The following UBXN7 variants were observed in gnomAD, a reference collection of about 807,000 sequenced individuals.
UBXN7 encodes UBX domain protein 7, also known as UBX domain-containing protein 7.
In UBXN7, 9 loss-of-function variants were observed where a neutral mutation model predicts 58.0. That is an observed-to-expected ratio of 0.16 (90% CI 0.09 to 0.27). The LOEUF (loss-of-function observed/expected upper bound fraction) is 0.27. Among genes scored for constraint, UBXN7 ranks in the 10% least tolerant of loss-of-function variants. The pLI is 1.00. For missense variants in UBXN7, 328 were observed against 599.6 expected, an observed-to-expected ratio of 0.55 and a Z score of 4.73; for synonymous variants, 208 against 205.0, an observed-to-expected ratio of 1.01 and a Z score of -0.12.
At chr3:196,415,184 C>T (rs557897671) in intron 1 of UBXN7, among the ~76,000 whole-genome samples, 11 of 141,238 alleles carry the variant, frequency 7.8e-5, no homozygotes, top group Non-Finnish European at 1.2e-4. Context: ...GACAGAGTCT[C>T]GTTCTGTTGC....
chr3:196,432,239 G>T, intron 1 of UBXN7, 88 bp downstream of exon 1: 2 of 1,543,016 alleles, frequency 1.3e-6, no homozygotes, highest in African/African-American at 1.4e-5. Flanking sequence ...CCCGAAGGAG[G>T]AATGCCTGAA....
chr3:196,384,089 T>G (rs1729298399), intron 5 of UBXN7, among the ~76,000 whole-genome samples: 1 of 152,074 alleles, frequency 6.6e-6, no homozygotes, highest in Non-Finnish European at 1.5e-5. Flanking sequence ...AAGAATCAAA[T>G]AGACGCAATA....
chr3:196,394,932 A>G (rs1729723971), intron 3 of UBXN7, among the ~76,000 whole-genome samples: 1 of 152,216 alleles, frequency 6.6e-6, no homozygotes, highest in South Asian at 2.1e-4. Flanking sequence ...TAGAGTGTCT[A>G]TTACCCAGTC....
intron 1 of UBXN7, among the ~76,000 whole-genome samples, chr3:196,419,292 T>TTAAATAAATAAATAAA (rs756643464): frequency 1.3e-5 from 2 of 148,974 alleles, no homozygotes; most frequent in African/African-American, 5.0e-5. Flanking sequence ...TCTAAATAAA[T>TTAAATAAATAAATAAA]TAAATAAATA....
At chr3:196,429,291 C>T (rs1250963834) in intron 1 of UBXN7, among the ~76,000 whole-genome samples, 1 of 151,420 alleles carries the variant, frequency 6.6e-6, no homozygotes, top group East Asian at 1.9e-4. Context: ...CACGCCACTG[C>T]ACTCCAGCCT....
chr3:196,400,121 A>G (rs1560234796), intron 3 of UBXN7: 2 of 152,140 alleles, frequency 1.3e-5, no homozygotes, highest in Non-Finnish European at 2.9e-5. Flanking sequence ...AACAGAGGTC[A>G]AAACTCCTGT....
chr3:196,404,866 T>C (rs1730111585), intron 2 of UBXN7, among the ~76,000 whole-genome samples: 1 of 152,056 alleles, frequency 6.6e-6, no homozygotes, highest in African/African-American at 2.4e-5. Flanking sequence ...CAAAAGGAAA[T>C]AGGCCAGCCA....
intron 5 of UBXN7, among the ~76,000 whole-genome samples, chr3:196,390,697 T>C (rs1344650142): frequency 1.4e-5 from 2 of 146,028 alleles, no homozygotes; most frequent in Non-Finnish European, 3.0e-5. Flanking sequence ...GCTGAGATCG[T>C]GCCACTGCAC....
At chr3:196,374,145 T>C (rs1001070914) in intron 5 of UBXN7, among the ~76,000 whole-genome samples, 1 of 152,150 alleles carries the variant, frequency 6.6e-6, no homozygotes, top group Non-Finnish European at 1.5e-5. Flanking sequence ...GTTCTAGAGA[T>C]AGACTAGAGC....
At chr3:196,365,823 T>A (rs1300047425) in intron 8 of UBXN7, among the ~76,000 whole-genome samples, 1 of 152,162 alleles carries the variant, frequency 6.6e-6, no homozygotes, top group African/African-American at 2.4e-5. Flanking sequence ...TAAGATTGAA[T>A]TTGTAGTTTA....
At chr3:196,430,392 C>CT (rs1026945327) in intron 1 of UBXN7, among the ~76,000 whole-genome samples, 9 of 150,498 alleles carry the variant, frequency 6.0e-5, no homozygotes, top group South Asian at 2.1e-4. Flanking sequence ...TAATAAGTGG[C>CT]TTTTTTTTTC....
At chr3:196,422,466 T>G (rs904022063) in intron 1 of UBXN7, among the ~76,000 whole-genome samples, 1 of 150,880 alleles carries the variant, frequency 6.6e-6, no homozygotes, top group South Asian at 2.1e-4. Flanking sequence ...GGCAAGAGAA[T>G]GAGATCTTGT....
chr3:196,426,553 A>G (rs997433769), intron 1 of UBXN7, among the ~76,000 whole-genome samples: 1 of 152,036 alleles, frequency 6.6e-6, no homozygotes, highest in Admixed American at 6.6e-5. Flanking sequence ...TTCTGTACAA[A>G]AGCATATGAA....
chr3:196,394,832 T>A (rs774906214), intron 3 of UBXN7, among the ~76,000 whole-genome samples: 1 of 152,138 alleles, frequency 6.6e-6, no homozygotes, highest in Admixed American at 6.6e-5. Context: ...ACAAAAAACA[T>A]CTTTAATTCT....
chr3:196,365,198 T>C (rs1255840438), intron 8 of UBXN7, among the ~76,000 whole-genome samples: 1 of 150,616 alleles, frequency 6.6e-6, no homozygotes, highest in Non-Finnish European at 1.5e-5. Flanking sequence ...ATTAAATGCT[T>C]ATATTAGAAG....
At chr3:196,412,409 C>G (rs575197079) in intron 1 of UBXN7, among the ~76,000 whole-genome samples, 2 of 151,706 alleles carry the variant, frequency 1.3e-5, no homozygotes, top group East Asian at 3.9e-4. Flanking sequence ...ATTAAAAAGG[C>G]TACTATTAAA....
chr3:196,368,188 TATA>T (rs755335652), intron 7 of UBXN7, 33 bp from the exon 8 acceptor site: 7 of 1,583,862 alleles, frequency 4.4e-6, no homozygotes, highest in Admixed American at 3.5e-5. Context: ...TATAAATAAA[TATA>T]ATATCTAGAA....
intron 1 of UBXN7, among the ~76,000 whole-genome samples, chr3:196,409,906 C>A (rs551543584): frequency 6.6e-6 from 1 of 151,918 alleles, no homozygotes; most frequent in Admixed American, 6.6e-5. Flanking sequence ...TCATTTTTAG[C>A]CTGGTGCTAA....
chr3:196,350,389 G>T lies in UBXN7; in HGVS notation c.*6296C>A, dbSNP rs1260631856. On this transcript the variant is annotated 3_prime_UTR_variant, in exon 11 of 11. Transcript: ENST00000296328. ...AATTCTCCTTAACTAGGGAGAAAAT[G>T]AGCTATAAAAGTAAGTTTGCCTCAA... 1 of 152,094 alleles carries T rather than the reference G, an allele frequency of 6.6e-6. No individual in the cohort carries two copies. Among genetic ancestry groups the T allele is most frequent in the Non-Finnish European group, 1.5e-5 (1 of 68,008 alleles). 9.4% of individuals were successfully genotyped at this position (152,094 alleles called of 1,614,324 possible). A position where few individuals can be genotyped will look rare whatever the true frequency, so the allele number is the denominator to read the frequency against.
Sources: gnomAD v4.1 joint callset for allele counts (sites outside exome capture counted in the v4.1 genomes callset) on GRCh38, gnomAD v4.1.1 for gene constraint, MANE v1.5 for transcripts, NCBI Gene and HGNC (gene_info 2026-07-23, HGNC 2026-07-21) for gene names.